MYO16: variants seen among roughly 807,000 people sequenced by gnomAD.
MYO16 encodes unconventional myosin-XVI.
A neutral mutation model predicts 205.3 loss-of-function variants in MYO16; 94 were observed. The ratio of observed to expected loss-of-function variants is 0.46; its 90% CI spans 0.39 to 0.54. The LOEUF is 0.54. MYO16 is among the 20% of genes least tolerant of loss of function. MYO16 has a pLI of 0.00. For synonymous variants in MYO16, 988 were observed against 954.0 expected (o/e 1.04, Z -0.66); for missense variants, 2,315 against 2,387.5 (o/e 0.97, Z 0.63).
intron 7 of MYO16, among the ~76,000 whole-genome samples, chr13:108,820,011 A>C (rs1256560643): frequency 6.6e-6 from 1 of 152,160 alleles, no homozygotes; most frequent in Non-Finnish European, 1.5e-5. Flanking sequence ...TTTAAAATAC[A>C]TTTTTACTGT....
chr13:108,519,225 C>T, the MYO16 span, among the ~76,000 whole-genome samples: 1 of 152,150 alleles, frequency 6.6e-6, no homozygotes, highest in Non-Finnish European at 1.5e-5. Context: ...TCTTGCATCG[C>T]AGATGGCTCC....
chr13:108,630,019 C>A, intron 1 of MYO16, 147 bp downstream of exon 1: 2 of 576,824 alleles, frequency 3.5e-6, no homozygotes, highest in Non-Finnish European at 5.8e-6. Flanking sequence ...ATTTTACAGG[C>A]TGGATATATT....
At chr13:108,647,959 T>A (rs10492420) in intron 1 of MYO16, among the ~76,000 whole-genome samples, 6,845 of 152,268 alleles carry the variant, frequency 0.045, 185 homozygotes, top group South Asian at 0.13. Context: ...GACAGGACCC[T>A]TGATATGCTC....
At position 108,719,821 on chromosome 13, in the gene MYO16, ATTTC is replaced by A. The variant is rs1371515915; in HGVS notation, c.363+7093_363+7096del. On this transcript the variant is annotated intron_variant, in intron 3 of 34. Transcript: ENST00000457511. ...AAACCTCACAATATCAAACAGCACTATTTCTTAAGAGTAGTTACTACGTAATTCA... is the reference window on the plus strand; with the variant it reads ...AAACCTCACAATATCAAACAGCACTATTAAGAGTAGTTACTACGTAATTCA... Among the ~76,000 whole-genome samples, 5 of 152,268 alleles carry A rather than the reference ATTTC, an allele frequency of 3.3e-5. No individual in the cohort carries two copies. In the East Asian group the frequency reaches 9.6e-4, roughly 29 times the overall value.
At chr13:108,630,959 C>T in intron 1 of MYO16, among the ~76,000 whole-genome samples, 1 of 152,162 alleles carries the variant, frequency 6.6e-6, no homozygotes, top group East Asian at 1.9e-4. Flanking sequence ...TGTTGCAGAA[C>T]AATTTCAATT....
chr13:108,957,676 G>C lies in MYO16; in HGVS notation c.1926-12G>C, dbSNP rs1343594562. On this transcript the variant is annotated splice_polypyrimidine_tract_variant and intron_variant, in intron 16 of 34. Transcript: ENST00000457511. The stretch of plus-strand genomic sequence containing the variant: ...GCCAGGCGATAACGTTACGTGCCTT[G>C]TCTCCTAACAGGTATTTGAACCAGA... 3.2e-6 allele frequency: 5 copies of C among 1,584,860 alleles called. 1 individual carries two copies. The South Asian group carries it at 4.4e-5, about 14-fold the overall frequency.
At chr13:109,020,990 G>A (rs909959735) in intron 23 of MYO16, among the ~76,000 whole-genome samples, 5 of 152,108 alleles carry the variant, frequency 3.3e-5, no homozygotes, top group African/African-American at 9.7e-5. Context: ...ATCAACAAAT[G>A]TATATATTAC....
At chr13:108,759,752 C>T (rs111495157) in intron 4 of MYO16, among the ~76,000 whole-genome samples, 1 of 148,756 alleles carries the variant, frequency 6.7e-6, no homozygotes, top group African/African-American at 2.5e-5. Context: ...ACCCAGGAGG[C>T]GGAGTTGCAG....
chr13:108,556,683 G>T, the MYO16 span, among the ~76,000 whole-genome samples: 89 of 152,096 alleles, frequency 5.9e-4, 1 homozygote, highest in East Asian at 0.016. Context: ...CTGAGTTTGG[G>T]TTCATATTTA....
At chr13:109,148,414 G>GT (rs1352842776) in intron 32 of MYO16, among the ~76,000 whole-genome samples, 2 of 152,178 alleles carry the variant, frequency 1.3e-5, no homozygotes, top group Non-Finnish European at 2.9e-5. Context: ...TTCCCTTACA[G>GT]TCATCCAATA....
rs192186255 is a variant in MYO16, at chr13:108,672,426, G to C, written c.292+6277G>C. Among the ~76,000 whole-genome samples the C allele has an allele frequency of 5.9e-5, 9 of 152,114 alleles. No individual in the cohort carries two copies. The East Asian group carries it at 1.4e-3, about 23-fold the overall frequency. On this transcript the variant is annotated intron_variant, in intron 2 of 34. Coordinates refer to ENST00000457511, the MANE Select transcript of MYO16 (RefSeq NM_001198950.3). ...TATTTCCAAGTACTTTTATTGGCTG[G>C]CTGAGTATAAAGAATCAAATATACT...
At chr13:109,195,533 T>C (rs1340906694) in intron 34 of MYO16, among the ~76,000 whole-genome samples, 1 of 152,152 alleles carries the variant, frequency 6.6e-6, no homozygotes, top group East Asian at 1.9e-4. Flanking sequence ...CTCTGTTTTT[T>C]CAAATTTCAT....
intron 4 of MYO16, among the ~76,000 whole-genome samples, chr13:108,727,936 G>A (rs960502131): frequency 3.3e-5 from 5 of 152,056 alleles, no homozygotes; most frequent in African/African-American, 9.7e-5. Context: ...AGGAGATATG[G>A]TTTATATTGA....
chr13:108,591,413 A>T (rs1040602392), upstream of MYO16, among the ~76,000 whole-genome samples: 1 of 151,072 alleles, frequency 6.6e-6, no homozygotes, highest in African/African-American at 2.4e-5. Flanking sequence ...ATTGAGTTCA[A>T]CACAAAATAT....
chr13:108,510,103 TTTTG>T, the MYO16 span, among the ~76,000 whole-genome samples: 1 of 152,228 alleles, frequency 6.6e-6, no homozygotes, highest in African/African-American at 2.4e-5. Context: ...AATTTTTATT[TTTTG>T]TTTGTTTGTT....
intron 16 of MYO16, among the ~76,000 whole-genome samples, chr13:108,946,070 G>C (rs1053021270): frequency 6.6e-6 from 1 of 152,108 alleles, no homozygotes; most frequent in African/African-American, 2.4e-5. Context: ...TATCTTATCA[G>C]TGAAGGCAAT....
Position 109,204,253 on chromosome 13 carries a change from T to G in MYO16, c.5416-2356T>G, listed in dbSNP as rs115444882. Reference sequence around the variant, plus strand: ...AAGTTGTGTCATTTAGGAAACATGGTGTCTTAAGAAAACTTGGGGAAAATA... The same window carrying G: ...AAGTTGTGTCATTTAGGAAACATGGGGTCTTAAGAAAACTTGGGGAAAATA... On this transcript the variant is annotated intron_variant, in intron 34 of 34. Coordinates refer to ENST00000457511, the MANE Select transcript of MYO16 (RefSeq NM_001198950.3). Among the ~76,000 whole-genome samples, 1,253 of 152,360 alleles carry G rather than the reference T, an allele frequency of 8.2e-3. 18 individuals are homozygous for G. Among genetic ancestry groups the G allele is most frequent in the African/African-American group, 0.028 (1,177 of 41,576 alleles).
At chr13:109,181,330 T>A (rs1032813304) in intron 34 of MYO16, among the ~76,000 whole-genome samples, 1 of 152,252 alleles carries the variant, frequency 6.6e-6, no homozygotes, top group African/African-American at 2.4e-5. Flanking sequence ...GATTCCTTAC[T>A]GGTGAGAAGC....
intron 14 of MYO16, among the ~76,000 whole-genome samples, chr13:108,895,936 A>T (rs1880391938): frequency 6.6e-6 from 1 of 152,232 alleles, no homozygotes; most frequent in Non-Finnish European, 1.5e-5. Flanking sequence ...ACACTGACAA[A>T]CACTGAAGGA....
Sources: gnomAD v4.1 joint callset for allele counts (sites outside exome capture counted in the v4.1 genomes callset) on GRCh38, gnomAD v4.1.1 for gene constraint, MANE v1.5 for transcripts, NCBI Gene and HGNC (gene_info 2026-07-23, HGNC 2026-07-21) for gene names.